The following ATXN1 variants were observed in gnomAD, a reference collection of about 807,000 sequenced individuals.
ATXN1 encodes the protein ataxin 1.
In ATXN1, 8 loss-of-function variants were observed where a neutral mutation model predicts 56.4. The observed-to-expected ratio is 0.14, with a 90% CI of 0.08 to 0.26. The LOEUF (loss-of-function observed/expected upper bound fraction) is 0.26. ATXN1 is among the 10% of genes least tolerant of loss of function. The pLI, the probability that ATXN1 is intolerant of heterozygous loss-of-function variation, is 1.00. For missense variants in ATXN1, 987 were observed against 1,106.5 expected (o/e 0.89, Z 1.53); for synonymous variants, 514 against 494.6 (o/e 1.04, Z -0.52).
chr6:16,439,580 ATTAATT>A (rs1034303231), intron 6 of ATXN1, among the ~76,000 whole-genome samples: 11 of 152,098 alleles, frequency 7.2e-5, no homozygotes, highest in Non-Finnish European at 1.2e-4. Flanking sequence ...AGATACGTGT[ATTAATT>A]TTATTTTCTA....
At position 16,328,055 on chromosome 6, in the gene ATXN1, C is replaced by T; in HGVS notation, c.256G>A (p.Asp86Asn). 6.2e-7 allele frequency: 1 copy of T among 1,613,522 alleles called. No individual in the cohort carries two copies. Among genetic ancestry groups the T allele is most frequent in the Non-Finnish European group, 8.5e-7 (1 of 1,179,614 alleles). Residue 86 changes from aspartate to asparagine, a missense_variant, in exon 7 of 8, where the codon GAC becomes AAC. Physicochemically the swap from Asp to Asn is conservative, Grantham distance 23. Around this residue, in one of 3 missense-constraint regions of ATXN1, gnomAD observed 723 missense variants for 791.7 expected, o/e 0.91. Coordinates refer to ENST00000436367, the MANE Select transcript of ATXN1 (RefSeq NM_001128164.2). The surrounding 1 kb of genome is among the most constrained non-coding windows in gnomAD (Gnocchi z 6.2). Reference sequence around the variant, plus strand: ...CTGGGAGCGCTGGGCGGGGAGTAGTCCAGCCCTGTGGACAATGCTTTGTGT... The same window carrying T: ...CTGGGAGCGCTGGGCGGGGAGTAGTTCAGCCCTGTGGACAATGCTTTGTGT... ...GLHKALSTGLDYSPPSAPRSV... is the reference protein window; with the variant it reads ...GLHKALSTGLNYSPPSAPRSV...
chr6:16,509,105 G>T (rs1004505471), intron 5 of ATXN1, among the ~76,000 whole-genome samples: 2 of 152,002 alleles, frequency 1.3e-5, no homozygotes, highest in African/African-American at 4.8e-5. Context: ...GAGGGAGGGG[G>T]AAGGGGGAAG....
At chr6:16,699,678 TAAG>T (rs1327860971) in intron 2 of ATXN1, among the ~76,000 whole-genome samples, 2 of 152,158 alleles carry the variant, frequency 1.3e-5, no homozygotes, top group Non-Finnish European at 2.9e-5. Flanking sequence ...TGAAAGGTGA[TAAG>T]AAGAAAAAGA....
At chr6:16,529,956 TA>T (rs1208514607) in intron 4 of ATXN1, among the ~76,000 whole-genome samples, 1 of 152,156 alleles carries the variant, frequency 6.6e-6, no homozygotes, top group East Asian at 1.9e-4. Context: ...GAATCATAAA[TA>T]AAAGGCATGC....
Position 16,730,487 on chromosome 6 carries a change from GTATA to G in ATXN1, c.-615+22742_-615+22745del, listed in dbSNP as rs4052880. 1.1e-4 allele frequency among the ~76,000 whole-genome samples: 15 copies of G among 132,054 alleles called. 2 individuals are homozygous for G. The highest frequency in any genetic ancestry group is 5.1e-4 in the South Asian group (2 of 3,928). The allele number at this position is 132,054 out of a possible 152,430, so 86.6% of individuals were successfully genotyped here. ...CTGGAGTTAAAGGGTAAAACAGTAT[GTATA>G]TATATATATATATATAAATGTATTT... On this transcript the variant is annotated intron_variant, in intron 2 of 7. Coordinates refer to ENST00000436367, the MANE Select transcript of ATXN1 (RefSeq NM_001128164.2).
intron 7 of ATXN1, among the ~76,000 whole-genome samples, chr6:16,312,251 T>G (rs1003630845): frequency 6.6e-6 from 1 of 152,220 alleles, no homozygotes; most frequent in Non-Finnish European, 1.5e-5. Flanking sequence ...CGTGTTTCCC[T>G]CTAAAGACTT....
At chr6:16,353,285 A>G (rs761232856) in intron 6 of ATXN1, among the ~76,000 whole-genome samples, 1 of 152,186 alleles carries the variant, frequency 6.6e-6, no homozygotes, top group Non-Finnish European at 1.5e-5. Flanking sequence ...CTATGACAGA[A>G]ATGTGCCAAG....
intron 4 of ATXN1, among the ~76,000 whole-genome samples, chr6:16,560,501 T>C (rs1319756111): frequency 6.6e-6 from 1 of 152,102 alleles, no homozygotes; most frequent in Non-Finnish European, 1.5e-5. Context: ...AGACATTCCT[T>C]TAATATGCTT....
chr6:16,565,877 ACTT>A (rs1231360854), intron 4 of ATXN1, among the ~76,000 whole-genome samples: 1 of 152,156 alleles, frequency 6.6e-6, no homozygotes, highest in African/African-American at 2.4e-5. Context: ...TAAAATATAA[ACTT>A]CTACTGAGGA....
At chr6:16,443,483 A>C (rs1759565452) in intron 6 of ATXN1, among the ~76,000 whole-genome samples, 1 of 152,248 alleles carries the variant, frequency 6.6e-6, no homozygotes, top group Admixed American at 6.5e-5. Flanking sequence ...ATTGGCATAA[A>C]CACACAGACT....
Position 16,607,415 on chromosome 6 carries a change from C to A in ATXN1, c.-488-21508G>T, listed in dbSNP as rs541008523. The stretch of plus-strand genomic sequence containing the variant: ...AAAAATGTAAATTATGCAAGTGAGA[C>A]AATCAGACACATGTTTCATGATCCA... On this transcript the variant is annotated intron_variant, in intron 3 of 7. Transcript: ENST00000436367. 3.3e-5 allele frequency among the ~76,000 whole-genome samples: 5 copies of A among 152,342 alleles called. No individual in the cohort carries two copies. In the South Asian group the frequency reaches 8.3e-4, roughly 25 times the overall value.
chr6:16,623,679 C>T (rs1763357947), intron 3 of ATXN1, among the ~76,000 whole-genome samples: 1 of 152,324 alleles, frequency 6.6e-6, no homozygotes, highest in East Asian at 1.9e-4. Flanking sequence ...CTAGATATTT[C>T]CCCCAATCTT....
At position 16,328,511 on chromosome 6, in the gene ATXN1, G is replaced by A. The variant is rs1581693244; in HGVS notation, c.-160-41C>T. 3.0e-6 allele frequency: 3 copies of A among 994,030 alleles called. No individual in the cohort carries two copies. The East Asian group carries it at 8.8e-5, about 29-fold the overall frequency. 61.6% of individuals were successfully genotyped at this position (994,030 alleles called of 1,614,324 possible). A position where few individuals can be genotyped will look rare whatever the true frequency, so the allele number is the denominator to read the frequency against. On this transcript the variant is annotated intron_variant, in intron 6 of 7. Transcript: ENST00000436367. The surrounding 1 kb of genome is among the most constrained non-coding windows in gnomAD (Gnocchi z 6.2). ...GGGCAGTGACAAAGGGAAAAGGAAA[G>A]GGAGGAGAAAGGGAAGGAGGGAAAG...
intron 5 of ATXN1, among the ~76,000 whole-genome samples, chr6:16,501,370 A>C (rs1760881925): frequency 6.6e-6 from 1 of 152,168 alleles, no homozygotes; most frequent in South Asian, 2.1e-4. Flanking sequence ...GGTTTGTTAC[A>C]TAGGTATACA....
chr6:16,504,996 T>TC, intron 5 of ATXN1, among the ~76,000 whole-genome samples: 1 of 149,512 alleles, frequency 6.7e-6, no homozygotes, highest in Middle Eastern at 3.4e-3. Flanking sequence ...CTGTTTCCTT[T>TC]TTTTTTTTTT....
rs1760088231 is a variant in ATXN1, at chr6:16,301,205, C to T, written c.*5124G>A. 6.6e-6 allele frequency: 1 copy of T among 152,210 alleles called. No individual in the cohort carries two copies. Among genetic ancestry groups the T allele is most frequent in the Non-Finnish European group, 1.5e-5 (1 of 67,988 alleles). 9.4% of individuals were successfully genotyped at this position (152,210 alleles called of 1,614,324 possible). ...TTTGTGCAATTTTTTAAAACATTAC[C>T]TGTACTCCTCAAAGTGAGTGCTTCA... On this transcript the variant is annotated 3_prime_UTR_variant, in exon 8 of 8. Transcript: ENST00000436367.
intron 4 of ATXN1, among the ~76,000 whole-genome samples, chr6:16,543,725 C>A (rs1761760313): frequency 3.3e-5 from 5 of 150,014 alleles, no homozygotes; most frequent in Admixed American, 1.3e-4. Context: ...CTACTTGATG[C>A]TTTTAGAGCT....
intron 5 of ATXN1, among the ~76,000 whole-genome samples, chr6:16,513,964 G>T (rs1761130094): frequency 6.6e-6 from 1 of 152,154 alleles, no homozygotes; most frequent in African/African-American, 2.4e-5. Context: ...AGGGGAAAAA[G>T]ATTTGGGGCT....
intron 6 of ATXN1, among the ~76,000 whole-genome samples, chr6:16,345,108 T>C (rs1761348291): frequency 1.3e-5 from 2 of 152,240 alleles, no homozygotes; most frequent in Admixed American, 1.3e-4. Flanking sequence ...GCAAAGGATT[T>C]CTGGATCATT....
Sources: gnomAD v4.1 joint callset for allele counts (sites outside exome capture counted in the v4.1 genomes callset) on GRCh38, gnomAD v4.1.1 for gene constraint, gnomAD v4.1.1 regional missense constraint, Gnocchi (gnomAD v3.1) non-coding constraint, MANE v1.5 for transcripts, NCBI Gene and HGNC (gene_info 2026-07-23, HGNC 2026-07-21) for gene names.